ALG14: variants seen among roughly 807,000 people sequenced by gnomAD.
ALG14 encodes the protein UDP-N-acetylglucosamine transferase subunit ALG14.
In ALG14, 17 loss-of-function variants were observed where a neutral mutation model predicts 22.8. The observed-to-expected ratio is 0.75, with a 90% CI of 0.51 to 1.12. The LOEUF (loss-of-function observed/expected upper bound fraction) is 1.12. ALG14 is among the 50% of genes most tolerant of loss of function. ALG14 has a pLI of 0.00. For synonymous variants in ALG14, 89 were observed against 103.7 expected (o/e 0.86, Z 0.86); for missense variants, 288 against 271.8 (o/e 1.06, Z -0.42).
rs189931719 is a variant in ALG14, at chr1:95,014,063, C to T, written c.420+13066G>A. Among the ~76,000 whole-genome samples, 484 of 152,114 alleles carry T rather than the reference C, an allele frequency of 3.2e-3. 1 individual carries two copies. Among genetic ancestry groups the T allele is most frequent in the African/African-American group, 0.011 (467 of 41,508 alleles). ...TATCATTTTTTATTTAGAATCATTC[C>T]CAGAAATACAAATTAGCTGATTACT... On this transcript the variant is annotated intron_variant, in intron 3 of 3. Transcript: ENST00000370205.
chr1:95,026,899 G>T (rs1365712289), intron 3 of ALG14, among the ~76,000 whole-genome samples: 1 of 152,118 alleles, frequency 6.6e-6, no homozygotes, highest in Non-Finnish European at 1.5e-5. Flanking sequence ...GTCTATTTCA[G>T]GTGCTATAAT....
In ALG14 at chr1:95,022,241, G is replaced by A. The variant is rs974321888; in HGVS notation, c.420+4888C>T. On this transcript the variant is annotated intron_variant, in intron 3 of 3. Transcript: ENST00000370205. ...CCTAATTTTGACACAGATGTTGTTC[G>A]GAACTCACTCAATGTGAAACAGAAG... 12 of 872,426 alleles carry A rather than the reference G, an allele frequency of 1.4e-5. No homozygotes were observed. The South Asian group carries it at 3.2e-4, about 23-fold the overall frequency. The allele number at this position is 872,426 out of a possible 1,614,324, so 54.0% of individuals were successfully genotyped here.
intron 2 of ALG14, among the ~76,000 whole-genome samples, chr1:95,050,554 C>T (rs1266580598): frequency 1.3e-5 from 2 of 152,026 alleles, no homozygotes. Flanking sequence ...AACAAAAATA[C>T]AATTTAATCT....
At chr1:95,017,189 CA>C (rs1158196790) in intron 3 of ALG14, among the ~76,000 whole-genome samples, 7 of 152,044 alleles carry the variant, frequency 4.6e-5, no homozygotes, top group Non-Finnish European at 1.0e-4. Context: ...TTGAAGCAGA[CA>C]AAAGGCATTG....
intron 2 of ALG14, among the ~76,000 whole-genome samples, chr1:95,047,470 A>C (rs2100808565): frequency 6.6e-6 from 1 of 152,068 alleles, no homozygotes; most frequent in South Asian, 2.1e-4. Flanking sequence ...CAGCCTCCCA[A>C]GTAACTGGGA....
Position 95,065,066 on chromosome 1 carries a change from T to C in ALG14, c.137-49A>G, listed in dbSNP as rs372806617. 4 of 1,548,064 alleles carry C rather than the reference T, an allele frequency of 2.6e-6. No homozygotes were observed. The African/African-American group carries it at 4.1e-5, about 16-fold the overall frequency. Reference sequence around the variant, plus strand: ...AAGATTAAGAAACCCACAATGGACATATCCATTTGACCATGTTATACCAAT... The same window carrying C: ...AAGATTAAGAAACCCACAATGGACACATCCATTTGACCATGTTATACCAAT... On this transcript the variant is annotated intron_variant, in intron 1 of 3. Coordinates refer to ENST00000370205, the MANE Select transcript of ALG14 (RefSeq NM_144988.4).
chr1:95,035,085 TA>T (rs1180910252), intron 2 of ALG14, among the ~76,000 whole-genome samples: 17 of 152,246 alleles, frequency 1.1e-4, no homozygotes, highest in Non-Finnish European at 2.2e-4. Context: ...TGTTGAACTT[TA>T]GGCCTCAAGG....
chr1:95,018,165 A>G (rs1673556084), intron 3 of ALG14, among the ~76,000 whole-genome samples: 1 of 152,184 alleles, frequency 6.6e-6, no homozygotes, highest in African/African-American at 2.4e-5. Context: ...AAACCAGAAA[A>G]AAAAGTAGAT....
intron 3 of ALG14, among the ~76,000 whole-genome samples, chr1:95,005,417 G>T (rs573252752): frequency 6.8e-6 from 1 of 146,652 alleles, no homozygotes; most frequent in East Asian, 1.9e-4. Flanking sequence ...AAACGAAATG[G>T]TCTATGACCT....
At position 94,979,423 on chromosome 1, in the gene ALG14, C is replaced by T. The variant is rs949420905; in HGVS notation, c.*3653G>A. The T allele has an allele frequency of 4.6e-5, 7 of 151,914 alleles. No individual in the cohort carries two copies. The highest frequency in any genetic ancestry group is 1.2e-4 in the African/African-American group (5 of 41,414). The allele number at this position is 151,914 out of a possible 1,614,324, so 9.4% of individuals were successfully genotyped here. A position where few individuals can be genotyped will look rare whatever the true frequency, so the allele number is the denominator to read the frequency against. Reference sequence around the variant, plus strand: ...CATTTGTTCCTTCCACAGGTGTTTCCTCAGTTCCTCAATAAAACTTGCTCA... The same window carrying T: ...CATTTGTTCCTTCCACAGGTGTTTCTTCAGTTCCTCAATAAAACTTGCTCA... On this transcript the variant is annotated 3_prime_UTR_variant, in exon 4 of 4. Transcript: ENST00000370205.
intron 2 of ALG14, among the ~76,000 whole-genome samples, chr1:95,039,298 C>G (rs1674307693): frequency 6.6e-6 from 1 of 152,020 alleles, no homozygotes; most frequent in Non-Finnish European, 1.5e-5. Flanking sequence ...AAATACCAGT[C>G]TAGTAATTAT....
intron 2 of ALG14, among the ~76,000 whole-genome samples, chr1:95,044,881 T>TAAA (rs539634021): frequency 0.019 from 2,852 of 151,336 alleles, 108 homozygotes; most frequent in African/African-American, 0.066. Context: ...TATTTTTTTT[T>TAAA]TAAAAAAAGC....
At chr1:95,061,143 C>A (rs1675133256) in intron 2 of ALG14, among the ~76,000 whole-genome samples, 4 of 152,080 alleles carry the variant, frequency 2.6e-5, no homozygotes. Context: ...GGAGTATGGC[C>A]CCATGACACC....
chr1:95,060,316 A>G (rs766249008), intron 2 of ALG14, among the ~76,000 whole-genome samples: 4 of 151,080 alleles, frequency 2.6e-5, no homozygotes, highest in Non-Finnish European at 5.9e-5. Flanking sequence ...TTTTCTCTCT[A>G]ACAGTGGCTG....
At chr1:94,995,128 T>C (rs1267576109) in intron 3 of ALG14, among the ~76,000 whole-genome samples, 1 of 152,216 alleles carries the variant, frequency 6.6e-6, no homozygotes, top group Non-Finnish European at 1.5e-5. Flanking sequence ...TGAAAACTGG[T>C]CAACAGTGTT....
Position 95,049,490 on chromosome 1 carries a change from G to A in ALG14, c.288+15376C>T, listed in dbSNP as rs1324200548. Among the ~76,000 whole-genome samples, 6 of 152,078 alleles carry A rather than the reference G, an allele frequency of 3.9e-5. No individual in the cohort carries two copies. In the East Asian group the frequency reaches 5.8e-4, roughly 15 times the overall value. ...CCAGAGGTTGCAGTGAGTCGAGATC[G>A]CACCACTGCACTCCAATCTGGGTGA... On this transcript the variant is annotated intron_variant, in intron 2 of 3. Transcript: ENST00000370205.
intron 2 of ALG14, among the ~76,000 whole-genome samples, chr1:95,036,143 G>A (rs1268963994): frequency 1.3e-5 from 2 of 152,096 alleles, no homozygotes; most frequent in Non-Finnish European, 2.9e-5. Context: ...GTGGGCCCCT[G>A]ATATAGTTTG....
intron 2 of ALG14, among the ~76,000 whole-genome samples, chr1:95,053,857 C>T (rs1337422599): frequency 6.6e-6 from 1 of 152,186 alleles, no homozygotes; most frequent in Non-Finnish European, 1.5e-5. Flanking sequence ...AATATAATTT[C>T]TTTTTAAGCA....
intron 3 of ALG14, among the ~76,000 whole-genome samples, chr1:95,025,130 A>T (rs1673773616): frequency 6.6e-6 from 1 of 152,236 alleles, no homozygotes; most frequent in Non-Finnish European, 1.5e-5. Flanking sequence ...GTTAGCAGGC[A>T]TAAAGATATT....
Sources: gnomAD v4.1 joint callset for allele counts (sites outside exome capture counted in the v4.1 genomes callset) on GRCh38, gnomAD v4.1.1 for gene constraint, MANE v1.5 for transcripts, NCBI Gene and HGNC (gene_info 2026-07-23, HGNC 2026-07-21) for gene names.